C19orf47: variants seen among roughly 807,000 people sequenced by gnomAD.
C19orf47 encodes chromosome 19 open reading frame 47.
A neutral mutation model predicts 32.3 loss-of-function variants in C19orf47; 18 were observed. That is an observed-to-expected ratio of 0.56 (90% CI 0.39 to 0.83). The LOEUF (loss-of-function observed/expected upper bound fraction) is 0.83. C19orf47 is among the 40% of genes least tolerant of loss of function. The pLI is 0.00. For synonymous variants in C19orf47, 202 were observed against 211.1 expected, an observed-to-expected ratio of 0.96 and a Z score of 0.37; for missense variants, 484 against 531.6, an observed-to-expected ratio of 0.91 and a Z score of 0.88.
chr19:40,316,829 A>G (rs1461834581), downstream of C19orf47, among the ~76,000 whole-genome samples: 3 of 152,206 alleles, frequency 2.0e-5, no homozygotes, highest in Non-Finnish European at 4.4e-5. Context: ...TTCTAGGACT[A>G]CTTGTAATAG....
At chr19:40,339,336 A>G (rs888704822) in intron 2 of C19orf47, among the ~76,000 whole-genome samples, 6 of 152,240 alleles carry the variant, frequency 3.9e-5, no homozygotes, top group Non-Finnish European at 8.8e-5. Context: ...CTTCAGAAAT[A>G]TTAAGTTGTG....
At chr19:40,318,998 G>A (rs2077681876), downstream of C19orf47, among the ~76,000 whole-genome samples, 4 of 152,168 alleles carry the variant, frequency 2.6e-5, no homozygotes, top group Admixed American at 2.6e-4. Flanking sequence ...TGGTCCAGGC[G>A]CAGTGGCTCA....
rs1303119435 is a variant in C19orf47 at position 40,326,370 on chromosome 19, T to C, written c.556A>G (p.Thr186Ala). 11 of 1,613,900 alleles carry C rather than the reference T, an allele frequency of 6.8e-6. No homozygotes were observed. The highest frequency in any genetic ancestry group is 8.5e-6 in the Non-Finnish European group (10 of 1,180,014). The stretch of plus-strand genomic sequence containing the variant: ...TGCTGCTGCTCCAGGATCTTGCGGG[T>C]GCGGGGTGTGGTGCCTTTGGGCATG... Reference protein sequence around the residue: ...INMPKGTTPRTRKILEQQQAA... With the variant: ...INMPKGTTPRARKILEQQQAA... Residue 186 changes from threonine to alanine, a missense_variant, in exon 7 of 9, where the codon ACC becomes GCC. By Grantham distance (58) the Thr-to-Ala change is moderately conservative. Transcript: ENST00000683109.
chr19:40,324,161 A>T (rs2077780742), intron 7 of C19orf47, 85 bp from the exon 8 acceptor site: 1 of 1,315,306 alleles, frequency 7.6e-7, no homozygotes, highest in African/African-American at 1.5e-5. Flanking sequence ...GGCAGCCCAG[A>T]CACCAGTAGC....
intron 8 of C19orf47, 98 bp from the exon 9 acceptor site, chr19:40,322,474 G>C (rs1301967531): frequency 7.3e-7 from 1 of 1,372,462 alleles, no homozygotes. Context: ...GGGACTCACA[G>C]TTGGGAGAAA....
At chr19:40,297,322 T>C in the C19orf47 span, among the ~76,000 whole-genome samples, 2 of 152,108 alleles carry the variant, frequency 1.3e-5, no homozygotes, top group African/African-American at 4.8e-5. Flanking sequence ...TCCCAGCACT[T>C]TGGGAGGCCA....
intron 1 of C19orf47, among the ~76,000 whole-genome samples, chr19:40,344,503 C>T (rs2078236671): frequency 6.6e-6 from 1 of 151,932 alleles, no homozygotes; most frequent in Non-Finnish European, 1.5e-5. Context: ...AAATAAAATA[C>T]AGTACAACAT....
Position 40,322,028 on chromosome 19 carries a change from T to A in C19orf47, c.1012A>T (p.Ser338Cys), listed in dbSNP as rs369195512. The change falls in exon 9 of 9, where the codon AGT (serine) becomes TGT (cysteine). Residue 338 changes from serine to cysteine, a missense_variant. Physicochemically the swap from Ser to Cys is moderately radical, Grantham distance 112. This residue lies in a region of C19orf47 where 51 missense variants were observed against 74.5 expected (regional missense o/e 0.68). Coordinates refer to ENST00000683109, the MANE Select transcript of C19orf47 (RefSeq NM_001256441.2). ...ACCTTGACCTCGGCTGAGGACTTAC[T>A]CTTGGTGCTGGTGACCTGGCTGTCC... ...AQDSQVTSTKSKSSAEVKVTI... is the reference protein window; with the variant it reads ...AQDSQVTSTKCKSSAEVKVTI... The A allele has an allele frequency of 6.2e-7, 1 of 1,614,016 alleles. No homozygotes were observed. Among genetic ancestry groups the A allele is most frequent in the Non-Finnish European group, 8.5e-7 (1 of 1,180,016 alleles).
chr19:40,317,218 C>T (rs543124372), downstream of C19orf47, among the ~76,000 whole-genome samples: 1 of 151,918 alleles, frequency 6.6e-6, no homozygotes, highest in African/African-American at 2.4e-5. Context: ...CTCAAGGGAT[C>T]CTCCCACCTC....
the C19orf47 span, among the ~76,000 whole-genome samples, chr19:40,309,936 A>C: frequency 2.2e-3 from 334 of 152,300 alleles, 5 homozygotes; most frequent in East Asian, 0.012. Context: ...AAGATCATAC[A>C]GCTGATGGAA....
intron 6 of C19orf47, among the ~76,000 whole-genome samples, chr19:40,327,007 C>CTTT (rs763036518): frequency 9.0e-5 from 11 of 122,792 alleles, no homozygotes; most frequent in African/African-American, 1.6e-4. Context: ...CTGATTTTAA[C>CTTT]TTTTTTTTTT....
chr19:40,344,689 T>C (rs537208467), intron 1 of C19orf47, among the ~76,000 whole-genome samples: 3 of 152,272 alleles, frequency 2.0e-5, no homozygotes, highest in Admixed American at 6.5e-5. Context: ...CCCCGACTCA[T>C]TGAGGTGCAG....
chr19:40,316,775 G>A (rs74620940), downstream of C19orf47, among the ~76,000 whole-genome samples: 4 of 152,238 alleles, frequency 2.6e-5, no homozygotes, highest in East Asian at 5.8e-4. Flanking sequence ...TGTGTTCTTC[G>A]AAGTCACCCC....
At chr19:40,305,414 C>T in the C19orf47 span, among the ~76,000 whole-genome samples, 2 of 151,530 alleles carry the variant, frequency 1.3e-5, no homozygotes, top group African/African-American at 4.8e-5. Flanking sequence ...CTAAGAAAAA[C>T]TGAAATAATA....
At chr19:40,318,768 C>T (rs890145684), downstream of C19orf47, among the ~76,000 whole-genome samples, 10 of 152,150 alleles carry the variant, frequency 6.6e-5, no homozygotes, top group Non-Finnish European at 1.5e-4. Context: ...CTGCTCTCTA[C>T]AGTTGTCCCT....
chr19:40,333,997 ACAC>A, intron 4 of C19orf47, 68 bp from the exon 5 acceptor site: 1 of 1,230,264 alleles, frequency 8.1e-7, no homozygotes, highest in Non-Finnish European at 1.1e-6. Flanking sequence ...GATCTAAGCA[ACAC>A]CACAAGGATC....
the C19orf47 span, among the ~76,000 whole-genome samples, chr19:40,297,701 GAAAAAAAAA>G: frequency 9.0e-6 from 1 of 110,862 alleles, no homozygotes; most frequent in Non-Finnish European, 1.7e-5. Context: ...CTCCGTCTCG[GAAAAAAAAA>G]AAAAAAAAAA....
chr19:40,311,132 T>C, the C19orf47 span, among the ~76,000 whole-genome samples: 1 of 152,016 alleles, frequency 6.6e-6, no homozygotes, highest in Non-Finnish European at 1.5e-5. Context: ...ATCCCAGCAC[T>C]TTGGGAGGCC....
intron 6 of C19orf47, 79 bp from the exon 7 acceptor site, chr19:40,326,565 CTTT>C: frequency 4.0e-6 from 6 of 1,499,726 alleles, no homozygotes; most frequent in South Asian, 1.2e-5. Flanking sequence ...ACTAGGTGTC[CTTT>C]ATCTCCACAC....
Sources: allele counts gnomAD v4.1 joint callset (sites outside exome capture counted in the v4.1 genomes callset), GRCh38; gene constraint gnomAD v4.1.1; regional missense constraint gnomAD v4.1.1; transcripts MANE v1.5; gene names NCBI Gene and HGNC (gene_info 2026-07-23, HGNC 2026-07-21).